The following DNAH14 variants were observed in gnomAD, a reference collection of about 807,000 sequenced individuals.
DNAH14 encodes the protein dynein axonemal heavy chain 14, also known as axonemal beta dynein heavy chain 14.
In DNAH14, 478 loss-of-function variants were observed where a neutral mutation model predicts 520.9. The ratio of observed to expected loss-of-function variants is 0.92; its 90% CI spans 0.85 to 0.99. The LOEUF (loss-of-function observed/expected upper bound fraction) is 0.99, where lower values mean the gene tolerates loss of function less well. Ranked by LOEUF, DNAH14 falls within the 50% of genes least tolerant of loss-of-function variation. DNAH14 has a pLI of 0.00. For synonymous variants in DNAH14, 1,581 were observed against 1,757.2 expected, an observed-to-expected ratio of 0.90 and a Z score of 2.51; for missense variants, 4,831 against 5,234.5, an observed-to-expected ratio of 0.92 and a Z score of 2.38.
intron 25 of DNAH14, 61 bp downstream of exon 25, chr1:225,118,060 T>C: frequency 8.1e-7 from 1 of 1,237,958 alleles, no homozygotes. Flanking sequence ...AAATCTCTGC[T>C]TTGAAATTTT....
chr1:225,029,921 A>G (rs574979250), intron 11 of DNAH14, among the ~76,000 whole-genome samples: 21 of 152,114 alleles, frequency 1.4e-4, no homozygotes, highest in Admixed American at 8.5e-4. Context: ...TATAAAATCA[A>G]CTAATCCTAA....
At chr1:225,212,341 T>C (rs1356785535) in intron 41 of DNAH14, among the ~76,000 whole-genome samples, 1 of 152,068 alleles carries the variant, frequency 6.6e-6, no homozygotes, top group Admixed American at 6.6e-5. Flanking sequence ...CTCTTTGAGA[T>C]TGTGAATAGT....
At chr1:225,070,507 T>G (rs549812795) in intron 17 of DNAH14, among the ~76,000 whole-genome samples, 1 of 152,302 alleles carries the variant, frequency 6.6e-6, no homozygotes, top group South Asian at 2.1e-4. Context: ...TCAGTGTCAT[T>G]GTATGGATTT....
At chr1:225,156,876 G>A (rs1165245185) in intron 34 of DNAH14, among the ~76,000 whole-genome samples, 2 of 137,746 alleles carry the variant, frequency 1.5e-5, no homozygotes, top group African/African-American at 2.8e-5. Context: ...CACTACGCCC[G>A]GCTAATTTTT....
chr1:225,100,761 G>A lies in DNAH14; in HGVS notation c.3744G>A (p.Trp1248Ter), dbSNP rs1256486037. Residue 1248 changes from tryptophan (W) to a stop codon, truncating the protein, a stop_gained, in exon 23 of 86, where the codon TGG becomes TGA. Transcript: ENST00000682510. LOFTEE classifies it high-confidence loss of function. Reference protein sequence around the residue: ...TELFSQVISMWKKIMSKIQNK... With the variant: ...TELFSQVISM ...TTTTCTCTCAAGTGATTTCCATGTG[G>A]AAAAAAATAATGTCAAAAATACAAA... 1.3e-6 allele frequency: 2 copies of A among 1,535,480 alleles called. No individual in the cohort carries two copies.
chr1:225,056,221 T>C lies in DNAH14; in HGVS notation c.2424+4426T>C, dbSNP rs370284073. Among the ~76,000 whole-genome samples the C allele has an allele frequency of 8.0e-3, 1,212 of 151,416 alleles. 7 individuals carry two copies. The highest frequency in any genetic ancestry group is 0.012 in the Non-Finnish European group (829 of 67,498). On this transcript the variant is annotated intron_variant, in intron 17 of 85. Transcript: ENST00000682510. The stretch of plus-strand genomic sequence containing the variant: ...TGTTGTTTCCTGACTTTTTAATGAT[T>C]GCCATTCTAACTGGTGTGAGATGGT...
intron 43 of DNAH14, among the ~76,000 whole-genome samples, chr1:225,244,531 C>G (rs1405756877): frequency 2.0e-5 from 3 of 152,086 alleles, no homozygotes; most frequent in African/African-American, 7.2e-5. Context: ...AATTTCAGAA[C>G]TTGTTATTGG....
intron 43 of DNAH14, among the ~76,000 whole-genome samples, chr1:225,246,105 CAAAAAAAAAA>C (rs140007042): frequency 5.1e-5 from 4 of 77,734 alleles, no homozygotes; most frequent in Admixed American, 1.3e-4. Flanking sequence ...ACAAACCTGG[CAAAAAAAAAA>C]AAAAAAAAAG....
chr1:224,998,787 A>C (rs2063559339), intron 8 of DNAH14, among the ~76,000 whole-genome samples: 1 of 152,082 alleles, frequency 6.6e-6, no homozygotes, highest in Non-Finnish European at 1.5e-5. Flanking sequence ...TTGGTAGAAA[A>C]GTTGTTTAGC....
intron 31 of DNAH14, among the ~76,000 whole-genome samples, chr1:225,148,021 A>T (rs953908952): frequency 2.6e-5 from 4 of 152,006 alleles, no homozygotes; most frequent in Non-Finnish European, 4.4e-5. Context: ...CATTTTCTTT[A>T]TCCAGTCTAC....
At chr1:224,964,777 T>C (rs144734276) in intron 5 of DNAH14, among the ~76,000 whole-genome samples, 168 bp downstream of exon 5, 29 of 152,292 alleles carry the variant, frequency 1.9e-4, no homozygotes, top group Non-Finnish European at 3.8e-4. Context: ...TCATTTTACT[T>C]ATTTAAGAAA....
rs563921488 is a variant in DNAH14 at position 225,365,463 on chromosome 1, C to A, written c.12090+569C>A. 7.9e-5 allele frequency among the ~76,000 whole-genome samples: 12 copies of A among 152,300 alleles called. No individual in the cohort carries two copies. The East Asian group carries it at 2.3e-3, about 29-fold the overall frequency. On this transcript the variant is annotated intron_variant, in intron 76 of 85. Transcript: ENST00000682510. ...ACCCAGACTCCCGATCACGTGCACA[C>A]TACCAGCTTTCACAGAAGTGGGTGG...
chr1:225,273,203 C>T (rs1221551204), intron 52 of DNAH14, 78 bp downstream of exon 52: 5 of 1,404,626 alleles, frequency 3.6e-6, no homozygotes, highest in African/African-American at 2.9e-5. Context: ...GAGGCCGAAG[C>T]GGGCAGATCA....
intron 36 of DNAH14, among the ~76,000 whole-genome samples, chr1:225,184,810 C>T (rs931112051): frequency 5.9e-5 from 9 of 151,858 alleles, no homozygotes; most frequent in Middle Eastern, 6.8e-3. Context: ...AGAAGCCATA[C>T]TGAATAGGTG....
At chr1:225,081,660 A>G (rs1187086776) in intron 19 of DNAH14, among the ~76,000 whole-genome samples, 1 of 152,194 alleles carries the variant, frequency 6.6e-6, no homozygotes, top group Non-Finnish European at 1.5e-5. Flanking sequence ...ATGGCTTTAT[A>G]AAAGAAGCCC....
At chr1:225,072,249 C>T (rs930607156) in intron 17 of DNAH14, among the ~76,000 whole-genome samples, 1 of 152,108 alleles carries the variant, frequency 6.6e-6, no homozygotes, top group African/African-American at 2.4e-5. Context: ...CTTTAATTCT[C>T]TTTATTCTTG....
intron 51 of DNAH14, among the ~76,000 whole-genome samples, chr1:225,272,679 G>C (rs1436898282): frequency 6.6e-6 from 1 of 152,068 alleles, no homozygotes; most frequent in Non-Finnish European, 1.5e-5. Flanking sequence ...TAGCACTGTA[G>C]TCGAGACTCC....
intron 50 of DNAH14, 49 bp downstream of exon 50, chr1:225,270,915 T>C: frequency 6.7e-7 from 1 of 1,500,318 alleles, no homozygotes; most frequent in Non-Finnish European, 9.0e-7. Context: ...TTCCCTAGAA[T>C]AAGGAAAAAT....
chr1:224,935,414 C>T (rs1167053317), intron 1 of DNAH14, among the ~76,000 whole-genome samples: 1 of 151,618 alleles, frequency 6.6e-6, no homozygotes, highest in Non-Finnish European at 1.5e-5. Flanking sequence ...CAAATGGAAG[C>T]CAAAAGGGAG....
Sources: gnomAD v4.1 joint callset for allele counts (sites outside exome capture counted in the v4.1 genomes callset) on GRCh38, gnomAD v4.1.1 for gene constraint, MANE v1.5 for transcripts, NCBI Gene and HGNC (gene_info 2026-07-23, HGNC 2026-07-21) for gene names.